The following GALNT12 variants were observed in gnomAD, a reference collection of about 807,000 sequenced individuals.
GALNT12 encodes the protein UDP-GalNAc:polypeptide N-acetylgalactosaminyltransferase 12.
In GALNT12, 45 loss-of-function variants were observed where a neutral mutation model predicts 55.5. The ratio of observed to expected loss-of-function variants is 0.81; its 90% CI spans 0.64 to 1.04. The LOEUF (loss-of-function observed/expected upper bound fraction) is 1.04. Ranked by LOEUF, GALNT12 falls within the 50% of genes least tolerant of loss-of-function variation. The probability of loss-of-function intolerance (pLI) is 0.00; values close to 1 mark genes in which losing one functional copy is unlikely to be tolerated. For missense variants in GALNT12, 709 were observed against 754.8 expected (o/e 0.94, Z 0.71); for synonymous variants, 304 against 312.2 (o/e 0.97, Z 0.28).
chr9:98,827,653 A>G (rs1835889746), intron 3 of GALNT12, among the ~76,000 whole-genome samples: 2 of 152,206 alleles, frequency 1.3e-5, no homozygotes. Flanking sequence ...CCTAGGGCCC[A>G]TGAAACTGGA....
At chr9:98,812,215 C>T (rs1016678387) in intron 1 of GALNT12, among the ~76,000 whole-genome samples, 2 of 152,086 alleles carry the variant, frequency 1.3e-5, no homozygotes, top group East Asian at 3.9e-4. Context: ...TTTCCTGATA[C>T]CTTTTTCTTT....
Position 98,825,164 on chromosome 9 carries a change from T to C in GALNT12, c.542-1588T>C, listed in dbSNP as rs1304454143. Among the ~76,000 whole-genome samples the C allele has an allele frequency of 5.3e-5, 8 of 152,240 alleles. No homozygotes were observed. The East Asian group carries it at 1.3e-3, about 26-fold the overall frequency. On this transcript the variant is annotated intron_variant, in intron 2 of 9. Coordinates refer to ENST00000375011, the MANE Select transcript of GALNT12 (RefSeq NM_024642.5). ...TAGATGATAACTTCTATTTTTATAA[T>C]GTTTAAATGTTTAAAAAGTTGCAAA...
intron 8 of GALNT12, 110 bp downstream of exon 8, chr9:98,844,319 C>T: frequency 1.3e-6 from 1 of 768,602 alleles, no homozygotes; most frequent in Non-Finnish European, 2.3e-6. Flanking sequence ...AAAGTAGAAG[C>T]CTAGGGTGGC....
In GALNT12 at chr9:98,835,284, G is replaced by A. The variant is rs1836111273; in HGVS notation, c.953G>A (p.Ser318Asn). 1.2e-5 allele frequency: 20 copies of A among 1,614,064 alleles called. No homozygotes were observed. Among genetic ancestry groups the A allele is most frequent in the Non-Finnish European group, 1.5e-5 (18 of 1,179,900 alleles). ...PTMAGGLFAV[S>N]KKYFEYLGSY... is the part of the protein sequence containing the mutation. Reference sequence around the variant, plus strand: ...ATGGCTGGTGGGCTGTTTGCTGTGAGTAAGAAATATTTTGAATATCTGGGG... The same window carrying A: ...ATGGCTGGTGGGCTGTTTGCTGTGAATAAGAAATATTTTGAATATCTGGGG... The change falls in exon 5 of 10, where the codon AGT becomes AAT. Residue 318 changes from serine (S) to asparagine (N), a missense_variant. Ser to Asn is a conservative substitution (Grantham distance 46). This residue lies in a region of GALNT12 where 17 missense variants were observed against 33.1 expected (regional missense o/e 0.51). Coordinates refer to ENST00000375011, the MANE Select transcript of GALNT12 (RefSeq NM_024642.5).
intron 7 of GALNT12, among the ~76,000 whole-genome samples, chr9:98,841,707 G>A (rs548431466): frequency 6.7e-6 from 1 of 149,134 alleles, no homozygotes; most frequent in Non-Finnish European, 1.5e-5. Context: ...TCTTGCTCTT[G>A]TCCCCCAGGC....
intron 6 of GALNT12, among the ~76,000 whole-genome samples, chr9:98,837,576 A>G (rs1033537639): frequency 3.3e-5 from 5 of 152,230 alleles, no homozygotes; most frequent in African/African-American, 1.2e-4. Context: ...AATGAAGCTT[A>G]CCTAGCACGT....
chr9:98,835,056 C>T (rs1032866370), intron 4 of GALNT12, among the ~76,000 whole-genome samples, 193 bp from the exon 5 acceptor site: 5 of 152,152 alleles, frequency 3.3e-5, no homozygotes, highest in African/African-American at 4.8e-5. Context: ...AGCCTGGGAG[C>T]CACCTCAAGG....
chr9:98,849,364 A>G lies in GALNT12; in HGVS notation c.*272A>G. 1 of 575,604 alleles carries G rather than the reference A, an allele frequency of 1.7e-6. No homozygotes were observed. The highest frequency in any genetic ancestry group is 3.1e-6 in the Non-Finnish European group (1 of 326,820). 35.7% of individuals were successfully genotyped at this position (575,604 alleles called of 1,614,324 possible). On this transcript the variant is annotated 3_prime_UTR_variant, in exon 10 of 10. Transcript: ENST00000375011. ...TAACCCTTGGTATTTAGAAAATTAA[A>G]ACCTTATAATATTTTTCTATCAAGA...
At chr9:98,825,822 A>T (rs747315494) in intron 2 of GALNT12, among the ~76,000 whole-genome samples, 6 of 152,088 alleles carry the variant, frequency 3.9e-5, no homozygotes, top group Admixed American at 6.5e-5. Context: ...AAAAAATTTT[A>T]AAAGTAGCTA....
chr9:98,831,865 G>T lies in GALNT12; in HGVS notation c.825G>T (p.Gln275His), dbSNP rs944134910. ...ACCTGGGGAACTCCGGGGAGCCCCA[G>T]ATCGGCGGTTTCGACTGGAGGCTGG... ...FEYLGNSGEP[Q>H]IGGFDWRLVF... Residue 275 changes from glutamine (Q) to histidine (H), a missense_variant, in exon 4 of 10, where the codon CAG becomes CAT. This residue lies in a region of GALNT12 where 315 missense variants were observed against 288.6 expected (regional missense o/e 1.09). Transcript: ENST00000375011. 2.1e-5 allele frequency: 34 copies of T among 1,614,090 alleles called. No homozygotes were observed. The highest frequency in any genetic ancestry group is 8.5e-7 in the Non-Finnish European group (1 of 1,180,044).
At chr9:98,846,236 T>C in intron 9 of GALNT12, 113 bp downstream of exon 9, 3 of 1,373,024 alleles carry the variant, frequency 2.2e-6, no homozygotes, top group Non-Finnish European at 3.1e-6. Flanking sequence ...GATGTGGCCA[T>C]GCATGGACAG....
At chr9:98,845,505 G>A (rs763874533) in intron 8 of GALNT12, among the ~76,000 whole-genome samples, 7 of 152,162 alleles carry the variant, frequency 4.6e-5, no homozygotes, top group Admixed American at 1.3e-4. Context: ...AAGTCTTCCC[G>A]TTAGCGGTCA....
chr9:98,848,449 CA>C (rs769563201), intron 9 of GALNT12, among the ~76,000 whole-genome samples: 2 of 152,194 alleles, frequency 1.3e-5, no homozygotes, highest in Non-Finnish European at 2.9e-5. Context: ...GGAATTGGCA[CA>C]AGGCATATAA....
In GALNT12 at chr9:98,835,331, G is replaced by T. The variant is rs1253229518; in HGVS notation, c.1000G>T (p.Val334Phe). ...GGGGTCTTATGATACAGGAATGGAAGTTTGGGGAGGAGAAAACCTCGAATT... is the reference window on the plus strand; with the variant it reads ...GGGGTCTTATGATACAGGAATGGAATTTTGGGGAGGAGAAAACCTCGAATT... ...YLGSYDTGMEVWGGENLEFSF... is the reference protein window; with the variant it reads ...YLGSYDTGMEFWGGENLEFSF... Residue 334 changes from valine (V) to phenylalanine (F), a missense_variant, in exon 5 of 10, where the codon GTT becomes TTT. By Grantham distance (50) the Val-to-Phe change is conservative (BLOSUM62 -1). Coordinates refer to ENST00000375011, the MANE Select transcript of GALNT12 (RefSeq NM_024642.5). The T allele has an allele frequency of 1.2e-6, 2 of 1,613,150 alleles. No individual in the cohort carries two copies. The highest frequency in any genetic ancestry group is 2.7e-5 in the African/African-American group (2 of 74,912).
At chr9:98,816,490 T>C (rs993081256) in intron 1 of GALNT12, among the ~76,000 whole-genome samples, 3 of 152,098 alleles carry the variant, frequency 2.0e-5, no homozygotes, top group East Asian at 1.9e-4. Context: ...CTACATTGAA[T>C]GCACCTCACT....
intron 9 of GALNT12, among the ~76,000 whole-genome samples, chr9:98,846,643 C>T (rs12344671): frequency 0.026 from 3,964 of 151,820 alleles, 67 homozygotes; most frequent in South Asian, 0.043. Flanking sequence ...GTGGATCATC[C>T]GAAGCCAGGA....
intron 5 of GALNT12, among the ~76,000 whole-genome samples, chr9:98,836,394 A>T (rs188190192): frequency 5.3e-5 from 8 of 152,332 alleles, no homozygotes; most frequent in African/African-American, 1.4e-4. Flanking sequence ...GCCCTCTGTA[A>T]TAAGTACCAG....
intron 1 of GALNT12, among the ~76,000 whole-genome samples, chr9:98,815,483 C>G (rs183442453): frequency 6.6e-6 from 1 of 152,192 alleles, no homozygotes; most frequent in Non-Finnish European, 1.5e-5. Flanking sequence ...GGATGTAACC[C>G]CACCGTAAGT....
chr9:98,840,243 C>T, intron 7 of GALNT12, 110 bp downstream of exon 7: 1 of 1,341,708 alleles, frequency 7.5e-7, no homozygotes, highest in South Asian at 1.2e-5. Context: ...TGGCTTCCTC[C>T]ACTCCCACCC....
Sources: allele counts gnomAD v4.1 joint callset (sites outside exome capture counted in the v4.1 genomes callset), GRCh38; gene constraint gnomAD v4.1.1; regional missense constraint gnomAD v4.1.1; transcripts MANE v1.5; gene names NCBI Gene and HGNC (gene_info 2026-07-23, HGNC 2026-07-21).